Variants in HEXD observed in about 807,000 individuals in gnomAD.
HEXD encodes N-acetyl-beta-galactosaminidase.
Under a neutral mutation model 54.2 loss-of-function variants are expected in HEXD, and 47 were observed. The observed-to-expected ratio is 0.87, with a 90% CI of 0.69 to 1.11. The LOEUF (loss-of-function observed/expected upper bound fraction) is 1.11, where lower values mean the gene tolerates loss of function less well. HEXD is among the 50% of genes least tolerant of loss of function. HEXD has a pLI of 0.00. For synonymous variants in HEXD, 293 were observed against 287.6 expected, an observed-to-expected ratio of 1.02 and a Z score of -0.19; for missense variants, 576 against 649.2, an observed-to-expected ratio of 0.89 and a Z score of 1.23.
At chr17:82,431,051 C>T (rs928446816) in intron 4 of HEXD, among the ~76,000 whole-genome samples, 3 of 150,680 alleles carry the variant, frequency 2.0e-5, no homozygotes, top group African/African-American at 7.3e-5. Flanking sequence ...CAGGCTGGAG[C>T]GCGTGGTACA....
At chr17:82,425,690 A>G (rs2053392508) in intron 3 of HEXD, 1 of 152,438 alleles carries the variant, frequency 6.6e-6, no homozygotes, top group Non-Finnish European at 1.5e-5. Context: ...TGTGAAGGCC[A>G]GGAGCAGTGG....
Position 82,441,217 on chromosome 17 carries a change from G to C in HEXD, c.1114G>C (p.Val372Leu). The C allele has an allele frequency of 6.2e-7, 1 of 1,613,096 alleles. No individual in the cohort carries two copies. The highest frequency in any genetic ancestry group is 8.5e-7 in the Non-Finnish European group (1 of 1,179,992). Reference protein sequence around the residue: ...GSNILALVTQVSLHLRSSVDA... With the variant: ...GSNILALVTQLSLHLRSSVDA... ...CAACATCCTTGCCCTTGTCACACAA[G>C]TCAGCCTCCATCTGCGCAGCTCTGT... Residue 372 changes from valine to leucine, a missense_variant, in exon 11 of 13, where the codon GTC (valine) becomes CTC (leucine). Val to Leu is a conservative substitution (Grantham distance 32, BLOSUM62 1). Transcript: ENST00000327949.
intron 3 of HEXD, chr17:82,426,405 T>G (rs1015374427): frequency 2.6e-5 from 4 of 152,174 alleles, no homozygotes; most frequent in African/African-American, 7.2e-5. Flanking sequence ...TTGGGCAGGA[T>G]GTTCCTCACA....
intron 3 of HEXD, 43 bp downstream of exon 3, chr17:82,424,546 G>T (rs376885667): frequency 3.6e-6 from 5 of 1,402,610 alleles, no homozygotes; most frequent in South Asian, 1.2e-5. Context: ...GCGTGAAAGC[G>T]GGGAAGGGGG....
chr17:82,428,650 G>A lies in HEXD; in HGVS notation c.282+5G>A. 1.2e-6 allele frequency: 2 copies of A among 1,612,276 alleles called. No homozygotes were observed. Among genetic ancestry groups the A allele is most frequent in the Non-Finnish European group, 1.7e-6 (2 of 1,178,378 alleles). On this transcript the variant is annotated splice_donor_5th_base_variant and intron_variant, in intron 4 of 12. Transcript: ENST00000327949. ...CAGACATTTGGACACATGGAGGTGA[G>A]TGGCAGAAATGGAAGTTACCTGGTG...
intron 11 of HEXD, 24 bp downstream of exon 11, chr17:82,441,290 G>A: frequency 6.3e-7 from 1 of 1,595,426 alleles, no homozygotes; most frequent in Non-Finnish European, 8.5e-7. Context: ...TTAGGGGCAG[G>A]TGTGGGTGAG....
intron 9 of HEXD, 31 bp from the exon 10 acceptor site, chr17:82,440,966 C>T (rs2053927153): frequency 6.2e-7 from 1 of 1,612,864 alleles, no homozygotes; most frequent in Admixed American, 1.7e-5. Context: ...CCAGAGGCCC[C>T]TCCAACCGCC....
In HEXD at chr17:82,433,738, GT is replaced by G; in HGVS notation, c.364del (p.Ser122ProfsTer8). 1 of 1,613,312 alleles carries G rather than the reference GT, an allele frequency of 6.2e-7. No individual in the cohort carries two copies. The highest frequency in any genetic ancestry group is 8.5e-7 in the Non-Finnish European group (1 of 1,179,896). On this transcript the variant is annotated frameshift_variant, in exon 5 of 13. Transcript: ENST00000327949. LOFTEE classifies it high-confidence loss of function. Reference sequence around the variant, plus strand: ...GCACCCTGAACCCCCACGAGGCAGAGTCCCTGGCGCTGGTGGGCGCCATGAT... The same window carrying G: ...GCACCCTGAACCCCCACGAGGCAGAGCCCTGGCGCTGGTGGGCGCCATGAT... ...PCTLNPHEAESLALVGAMIDQ... is the reference protein window; with the variant it reads ...PCTLNPHEAEXLALVGAMIDQ...
chr17:82,440,278 A>AGACGCGCGGAGAGCGG, intron 9 of HEXD: 1 of 1,283,542 alleles, frequency 7.8e-7, no homozygotes, highest in Non-Finnish European at 1.0e-6. Flanking sequence ...AAAATGGCCG[A>AGACGCGCGGAGAGCGG]GACGCGCGGA....
At chr17:82,441,566 T>G (rs1599761736) in intron 11 of HEXD, among the ~76,000 whole-genome samples, 5 of 105,606 alleles carry the variant, frequency 4.7e-5, no homozygotes, top group African/African-American at 7.6e-5. Flanking sequence ...CAGGTGTGGG[T>G]GGGAGGCAGG....
At chr17:82,422,664 CAG>C (rs1458954231) in intron 2 of HEXD, among the ~76,000 whole-genome samples, 1 of 152,178 alleles carries the variant, frequency 6.6e-6, no homozygotes, top group Non-Finnish European at 1.5e-5. Flanking sequence ...TATTTGGAAA[CAG>C]ATGACAGAAA....
At chr17:82,421,988 AAC>A (rs1309868366) in intron 2 of HEXD, among the ~76,000 whole-genome samples, 2 of 152,012 alleles carry the variant, frequency 1.3e-5, no homozygotes, top group African/African-American at 4.8e-5. Flanking sequence ...CATCCTGGCC[AAC>A]ACAGTGTCTC....
At chr17:82,425,202 G>A (rs1239051872) in intron 3 of HEXD, among the ~76,000 whole-genome samples, 1 of 138,012 alleles carries the variant, frequency 7.2e-6, no homozygotes, top group Non-Finnish European at 1.6e-5. Flanking sequence ...AAGGCTGGAG[G>A]AGGCTGGAGG....
At chr17:82,439,932 T>G in intron 9 of HEXD, 1 of 1,517,912 alleles carries the variant, frequency 6.6e-7, no homozygotes, top group Non-Finnish European at 8.8e-7. Context: ...CAAAGCAGGC[T>G]GGAGAGTGAC....
chr17:82,418,541 C>A lies in HEXD; in HGVS notation c.-251C>A, dbSNP rs1183230258. ...CGCGGGCGCCAGGCCCGGGGACGAA[C>A]GCCGTAACAGGGAGCGCGAGGCAGG... On this transcript the variant is annotated 5_prime_UTR_variant, in exon 1 of 13. Coordinates refer to ENST00000327949, the MANE Select transcript of HEXD (RefSeq NM_001330542.2). 2.8e-6 allele frequency: 3 copies of A among 1,055,670 alleles called. No homozygotes were observed. The highest frequency in any genetic ancestry group is 3.7e-6 in the Non-Finnish European group (3 of 806,536). 65.4% of individuals were successfully genotyped at this position (1,055,670 alleles called of 1,614,324 possible). A position where few individuals can be genotyped will look rare whatever the true frequency, so the allele number is the denominator to read the frequency against.
intron 11 of HEXD, among the ~76,000 whole-genome samples, chr17:82,441,478 GGGC>G: frequency 2.1e-5 from 3 of 143,082 alleles, no homozygotes; most frequent in African/African-American, 8.8e-5. Context: ...TGTGGGTGAG[GGGC>G]AGGTGCAGGT....
intron 3 of HEXD, among the ~76,000 whole-genome samples, chr17:82,425,320 A>C (rs1384538131): frequency 1.3e-5 from 2 of 150,888 alleles, no homozygotes; most frequent in African/African-American, 4.9e-5. Context: ...AGGCCAGAGA[A>C]GGCTGGGCTA....
In HEXD at chr17:82,424,492, G is replaced by A. The variant is rs552577347; in HGVS notation, c.183G>A (p.Lys61=). Residue 61 remains lysine (K), a synonymous_variant, in exon 3 of 13, where the codon AAG becomes AAA. Transcript: ENST00000327949. The stretch of plus-strand genomic sequence containing the variant: ...GCCCTCTGAGGCTGCTGAGGGCCAA[G>A]TACGCCTACAGGTAACACTGCCCGT... ...YEGPLRLLRA[K]YAYSPSEIKE... 16 of 1,611,942 alleles carry A rather than the reference G, an allele frequency of 9.9e-6. No individual in the cohort carries two copies. The East Asian group carries it at 2.9e-4, about 29-fold the overall frequency.
intron 2 of HEXD, 29 bp from the exon 3 acceptor site, chr17:82,424,365 T>G: frequency 2.0e-6 from 3 of 1,516,498 alleles, no homozygotes; most frequent in Non-Finnish European, 2.7e-6. Flanking sequence ...CAGCCACTTC[T>G]TCCTAACCCC....
Sources: gnomAD v4.1 joint callset for allele counts (sites outside exome capture counted in the v4.1 genomes callset) on GRCh38, gnomAD v4.1.1 for gene constraint, MANE v1.5 for transcripts, NCBI Gene and HGNC (gene_info 2026-07-23, HGNC 2026-07-21) for gene names.